The following FOXP2 variants were observed in gnomAD, a reference collection of about 807,000 sequenced individuals.
The protein encoded by FOXP2 is forkhead box protein P2.
FOXP2 carries 12 observed loss-of-function variants against 115.8 expected under a neutral mutation model. That is an observed-to-expected ratio of 0.10 (90% confidence interval 0.07 to 0.17). The LOEUF is 0.17. Ranked by LOEUF, FOXP2 falls within the 10% of genes least tolerant of loss-of-function variation. The pLI, the probability that FOXP2 is intolerant of heterozygous loss-of-function variation, is 1.00. For missense variants in FOXP2, 629 were observed against 843.5 expected (o/e 0.75, Z 3.15); for synonymous variants, 328 against 297.7 (o/e 1.10, Z -1.05).
At chr7:114,595,046 A>G (rs1056435497) in intron 3 of FOXP2, among the ~76,000 whole-genome samples, 1 of 152,044 alleles carries the variant, frequency 6.6e-6, no homozygotes, top group African/African-American at 2.4e-5. Flanking sequence ...AAGCAAGTGC[A>G]TGATATTTAT....
chr7:114,489,867 C>A (rs1353609848), intron 2 of FOXP2, among the ~76,000 whole-genome samples: 1 of 152,024 alleles, frequency 6.6e-6, no homozygotes, highest in East Asian at 1.9e-4. Flanking sequence ...CAAATTAAAA[C>A]AACAACGAGA....
chr7:114,286,277 T>G (rs922528354), intron 1 of FOXP2, among the ~76,000 whole-genome samples: 4 of 152,024 alleles, frequency 2.6e-5, no homozygotes, highest in African/African-American at 7.2e-5. Context: ...TTTTAGTACA[T>G]GTTAATATTT....
intron 1 of FOXP2, among the ~76,000 whole-genome samples, chr7:114,180,405 A>T (rs957960787): frequency 6.6e-6 from 1 of 151,720 alleles, no homozygotes; most frequent in Non-Finnish European, 1.5e-5. Flanking sequence ...ATTATTCTAG[A>T]TGAGCTCACT....
chr7:114,433,744 C>G (rs1263961268), intron 2 of FOXP2, among the ~76,000 whole-genome samples: 4 of 151,762 alleles, frequency 2.6e-5, no homozygotes, highest in African/African-American at 7.3e-5. Flanking sequence ...TATATGAGAT[C>G]CAAGTCAGTT....
intron 2 of FOXP2, among the ~76,000 whole-genome samples, chr7:114,524,985 CA>C (rs1173824003): frequency 6.6e-6 from 1 of 152,052 alleles, no homozygotes; most frequent in African/African-American, 2.4e-5. Context: ...GATTAAAATA[CA>C]ACTTTTCAAA....
chr7:114,390,188 G>GTA (rs1448631477), intron 2 of FOXP2, among the ~76,000 whole-genome samples: 1 of 152,066 alleles, frequency 6.6e-6, no homozygotes, highest in Non-Finnish European at 1.5e-5. Context: ...AAACAGTACA[G>GTA]TATATAACTA....
intron 1 of FOXP2, among the ~76,000 whole-genome samples, chr7:114,117,957 G>T (rs548935807): frequency 6.6e-6 from 1 of 152,134 alleles, no homozygotes; most frequent in East Asian, 1.9e-4. Flanking sequence ...TCCCATTCAT[G>T]AGTGCTTCAC....
At chr7:114,439,218 A>T (rs905980890) in intron 2 of FOXP2, among the ~76,000 whole-genome samples, 2 of 152,152 alleles carry the variant, frequency 1.3e-5, no homozygotes, top group African/African-American at 4.8e-5. Flanking sequence ...GCTGGATTTG[A>T]AAATCCTTCC....
At chr7:114,349,469 A>G (rs1460601373) in intron 2 of FOXP2, among the ~76,000 whole-genome samples, 1 of 152,158 alleles carries the variant, frequency 6.6e-6, no homozygotes, top group Non-Finnish European at 1.5e-5. Context: ...TTTAATTCCT[A>G]TGCTATCTTC....
At chr7:114,630,987 G>T (rs1028471426) in intron 5 of FOXP2, 1 of 154,666 alleles carries the variant, frequency 6.5e-6, no homozygotes, top group Non-Finnish European at 1.4e-5. Flanking sequence ...TTATAATAAG[G>T]GCACTTTTTT....
chr7:114,553,666 A>G lies in FOXP2; in HGVS notation c.258+18960A>G, dbSNP rs190005255. Among the ~76,000 whole-genome samples, 617 of 152,296 alleles carry G rather than the reference A, an allele frequency of 4.1e-3. 1 individual carries two copies. Among genetic ancestry groups the G allele is most frequent in the Admixed American group, 5.9e-3 (90 of 15,302 alleles). On this transcript the variant is annotated intron_variant, in intron 3 of 16. Coordinates refer to ENST00000350908, the MANE Select transcript of FOXP2 (RefSeq NM_014491.4). ...ATTTAAGTATATGAACTAGAAGAATATGTAACAATAATAAACTGACTTCCT... is the reference window on the plus strand; with the variant it reads ...ATTTAAGTATATGAACTAGAAGAATGTGTAACAATAATAAACTGACTTCCT...
intron 1 of FOXP2, among the ~76,000 whole-genome samples, chr7:114,126,832 A>G (rs1306908052): frequency 6.6e-6 from 1 of 152,138 alleles, no homozygotes; most frequent in Non-Finnish European, 1.5e-5. Flanking sequence ...TGTCTTTTAG[A>G]TTCTCCCAAT....
intron 2 of FOXP2, among the ~76,000 whole-genome samples, chr7:114,435,612 A>G (rs1360369853): frequency 6.6e-6 from 1 of 152,134 alleles, no homozygotes; most frequent in Non-Finnish European, 1.5e-5. Flanking sequence ...ATCTTGGCTC[A>G]CTGCAACCTC....
At chr7:114,532,920 A>G (rs1799209377) in intron 2 of FOXP2, among the ~76,000 whole-genome samples, 1 of 151,948 alleles carries the variant, frequency 6.6e-6, no homozygotes, top group South Asian at 2.1e-4. Flanking sequence ...TTACAATTAA[A>G]AGAGGAAAGA....
At chr7:114,577,870 A>G (rs1363787990) in intron 3 of FOXP2, among the ~76,000 whole-genome samples, 1 of 151,972 alleles carries the variant, frequency 6.6e-6, no homozygotes, top group African/African-American at 2.4e-5. Context: ...AGAGATTATA[A>G]TAAAGGGGAG....
At chr7:114,231,752 A>C (rs1010076652) in intron 1 of FOXP2, among the ~76,000 whole-genome samples, 2 of 152,206 alleles carry the variant, frequency 1.3e-5, no homozygotes, top group African/African-American at 2.4e-5. Flanking sequence ...AAGGCCTGAA[A>C]GTGTAAAACT....
At chr7:114,424,893 G>A (rs953852046) in intron 1 of FOXP2, among the ~76,000 whole-genome samples, 14 of 150,340 alleles carry the variant, frequency 9.3e-5, no homozygotes, top group African/African-American at 3.4e-4. Context: ...AGCTATTGAC[G>A]TTTTTTACTA....
At chr7:114,490,693 C>T (rs1253101634) in intron 2 of FOXP2, among the ~76,000 whole-genome samples, 1 of 152,044 alleles carries the variant, frequency 6.6e-6, no homozygotes, top group Non-Finnish European at 1.5e-5. Flanking sequence ...ATGTGATGTT[C>T]CCCTTCTTGT....
intron 2 of FOXP2, among the ~76,000 whole-genome samples, chr7:114,350,038 A>T (rs1791443544): frequency 6.6e-6 from 1 of 152,180 alleles, no homozygotes; most frequent in African/African-American, 2.4e-5. Context: ...AGCACTATAT[A>T]ACAAGAAGCA....
Sources: gnomAD v4.1 joint callset for allele counts (sites outside exome capture counted in the v4.1 genomes callset) on GRCh38, gnomAD v4.1.1 for gene constraint, MANE v1.5 for transcripts, NCBI Gene and HGNC (gene_info 2026-07-23, HGNC 2026-07-21) for gene names.